RP1: variants seen among roughly 807,000 people sequenced by gnomAD.
RP1 encodes oxygen-regulated protein 1.
Under a neutral mutation model 14.8 loss-of-function variants are expected in RP1, and 16 were observed. The ratio of observed to expected loss-of-function variants is 1.08; its 90% CI spans 0.73 to 1.65. RP1 has a LOEUF of 1.65. Ranked by LOEUF, RP1 falls within the 40% of genes most tolerant of loss-of-function variation. The pLI, the probability that RP1 is intolerant of heterozygous loss-of-function variation, is 0.00. For synonymous variants in RP1, 876 were observed against 883.6 expected (o/e 0.99, Z 0.15); for missense variants, 2,631 against 2,535.0 (o/e 1.04, Z -0.81).
At chr8:54,845,855 C>T (rs1279002550) in intron 25 of RP1, among the ~76,000 whole-genome samples, 4 of 152,156 alleles carry the variant, frequency 2.6e-5, no homozygotes, top group Admixed American at 6.5e-5. Flanking sequence ...CATGTTCAAT[C>T]GCAACATCTT....
At chr8:54,769,961 T>C in exon 23 of RP1, 1 of 567,940 alleles carries the variant, frequency 1.8e-6, no homozygotes, top group South Asian at 2.6e-5. Flanking sequence ...TAAAAACATA[T>C]GTAAAGCTGT....
intron 24 of RP1, among the ~76,000 whole-genome samples, chr8:54,796,623 T>C (rs1422054262): frequency 6.6e-6 from 1 of 152,040 alleles, no homozygotes; most frequent in East Asian, 1.9e-4. Context: ...ATTGGTGAGC[T>C]GTAAGCCAAA....
Position 54,624,869 on chromosome 8 carries a change from C to G in RP1, c.987C>G (p.Gly329=). 6.2e-7 allele frequency: 1 copy of G among 1,613,706 alleles called. No individual in the cohort carries two copies. Among genetic ancestry groups the G allele is most frequent in the Non-Finnish European group, 8.5e-7 (1 of 1,179,874 alleles). ...AATCAATTATTTTTAATCAAGACGG[C>G]ACTATGACAGTTGAGATGAAAGTTC... ...IEKSIIFNQD[G]TMTVEMKVRF... Residue 329 remains glycine (G), a synonymous_variant, in exon 4 of 4, where the codon GGC becomes GGG. Coordinates refer to ENST00000220676, the MANE Select transcript of RP1 (RefSeq NM_006269.2).
intron 12 of RP1, among the ~76,000 whole-genome samples, chr8:54,693,120 A>T (rs555429038): frequency 6.6e-6 from 1 of 152,194 alleles, no homozygotes; most frequent in African/African-American, 2.4e-5. Flanking sequence ...CAAAGATCAG[A>T]TGGTTGTAGA....
At chr8:54,669,518 C>T (rs1370829383) in intron 7 of RP1, among the ~76,000 whole-genome samples, 1 of 152,168 alleles carries the variant, frequency 6.6e-6, no homozygotes, top group Admixed American at 6.5e-5. Flanking sequence ...CCAGCGACCC[C>T]ATTACTGGGT....
chr8:54,638,149 T>C (rs1044056289), intron 3 of RP1, among the ~76,000 whole-genome samples: 1 of 152,194 alleles, frequency 6.6e-6, no homozygotes, highest in African/African-American at 2.4e-5. Context: ...TTATAGTTTA[T>C]AATAAGGGGT....
At chr8:54,733,936 C>A (rs1427006338) in intron 17 of RP1, among the ~76,000 whole-genome samples, 1 of 152,144 alleles carries the variant, frequency 6.6e-6, no homozygotes, top group African/African-American at 2.4e-5. Context: ...CTAGAGGATG[C>A]ATTGTGAAAC....
At position 54,629,692 on chromosome 8, in the gene RP1, A is replaced by G; in HGVS notation, c.5810A>G (p.Tyr1937Cys). The change falls in exon 4 of 4, where the codon TAT becomes TGT. Residue 1937 changes from tyrosine to cysteine, a missense_variant. By Grantham distance (194) the Tyr-to-Cys change is radical. Coordinates refer to ENST00000220676, the MANE Select transcript of RP1 (RefSeq NM_006269.2). ...PMNEEDRGFA[Y>C]RKESDIENFL... The stretch of plus-strand genomic sequence containing the variant: ...AATGAGGAAGACCGAGGATTTGCAT[A>G]TCGCAAAGAATCTGATATTGAAAAT... The G allele has an allele frequency of 6.2e-7, 1 of 1,613,610 alleles. No homozygotes were observed.
intron 7 of RP1, among the ~76,000 whole-genome samples, chr8:54,665,986 A>C (rs989940435): frequency 6.6e-6 from 1 of 151,478 alleles, no homozygotes; most frequent in Non-Finnish European, 1.5e-5. Context: ...TGTTTAAAGC[A>C]TCTCTTCATT....
At chr8:54,747,906 T>C (rs967764361) in intron 19 of RP1, among the ~76,000 whole-genome samples, 1 of 152,280 alleles carries the variant, frequency 6.6e-6, no homozygotes, top group Non-Finnish European at 1.5e-5. Context: ...ATGCCCCTTC[T>C]CTTGGCCCAT....
In RP1 at chr8:54,630,796, TA is replaced by T. The variant is rs781308812; in HGVS notation, c.*444del. 23 of 1,005,848 alleles carry T rather than the reference TA, an allele frequency of 2.3e-5. No homozygotes were observed. The highest frequency in any genetic ancestry group is 2.7e-5 in the Non-Finnish European group (23 of 842,662). 62.3% of individuals were successfully genotyped at this position (1,005,848 alleles called of 1,614,324 possible). On this transcript the variant is annotated 3_prime_UTR_variant, in exon 4 of 4. Coordinates refer to ENST00000220676, the MANE Select transcript of RP1 (RefSeq NM_006269.2). ...TTTTAACTACTGATTTGATAAAAAG[TA>T]TGATTATAAGATATCCACGACAATC...
intron 24 of RP1, among the ~76,000 whole-genome samples, chr8:54,827,136 G>A (rs564816854): frequency 1.3e-5 from 2 of 152,278 alleles, no homozygotes; most frequent in South Asian, 4.1e-4. Flanking sequence ...GTGAGTGAAT[G>A]TGAAGGCCTA....
At chr8:54,855,023 C>T in intron 26 of RP1, among the ~76,000 whole-genome samples, 1 of 152,018 alleles carries the variant, frequency 6.6e-6, no homozygotes, top group East Asian at 1.9e-4. Context: ...GAACTCTTTT[C>T]ATTTTGCAAA....
intron 17 of RP1, among the ~76,000 whole-genome samples, chr8:54,733,102 G>A (rs1225218967): frequency 2.0e-5 from 3 of 152,186 alleles, no homozygotes; most frequent in Non-Finnish European, 4.4e-5. Flanking sequence ...GCTGCATCCT[G>A]GTGAATTATG....
At chr8:54,797,137 A>T (rs926296558) in intron 24 of RP1, among the ~76,000 whole-genome samples, 2 of 152,164 alleles carry the variant, frequency 1.3e-5, no homozygotes, top group African/African-American at 4.8e-5. Flanking sequence ...GTGGCACTGG[A>T]GAGACATTTT....
chr8:54,666,492 A>G (rs437439), intron 7 of RP1, among the ~76,000 whole-genome samples: 33,467 of 151,854 alleles, frequency 0.22, 4,268 homozygotes, highest in East Asian at 0.42. Flanking sequence ...GGTGGGAGCT[A>G]TGAAAGTTGG....
chr8:54,749,142 A>G (rs1340162742), intron 19 of RP1, among the ~76,000 whole-genome samples: 7 of 152,138 alleles, frequency 4.6e-5, no homozygotes, highest in African/African-American at 1.7e-4. Flanking sequence ...CATCCTGGCT[A>G]ACATGGTGAA....
At chr8:54,751,233 AG>A (rs1363720612) in intron 19 of RP1, among the ~76,000 whole-genome samples, 2 of 152,336 alleles carry the variant, frequency 1.3e-5, no homozygotes, top group East Asian at 3.9e-4. Context: ...GTTTTCCAAA[AG>A]GTGTTTTGAT....
intron 24 of RP1, among the ~76,000 whole-genome samples, chr8:54,836,406 G>C (rs566993010): frequency 3.8e-4 from 58 of 152,314 alleles, no homozygotes; most frequent in Middle Eastern, 3.4e-3. Context: ...CTAATTAGCT[G>C]ACCTTAAAAT....
Sources: gnomAD v4.1 joint callset for allele counts (sites outside exome capture counted in the v4.1 genomes callset) on GRCh38, gnomAD v4.1.1 for gene constraint, MANE v1.5 for transcripts, NCBI Gene and HGNC (gene_info 2026-07-23, HGNC 2026-07-21) for gene names.